The following KLHL17 variants were observed in gnomAD, a reference collection of about 807,000 sequenced individuals.
The protein encoded by KLHL17 is kelch like family member 17, also known as kelch-like protein 17.
KLHL17 carries 71 observed loss-of-function variants against 64.6 expected under a neutral mutation model. That is an observed-to-expected ratio of 1.10 (90% CI 0.91 to 1.34). The LOEUF (loss-of-function observed/expected upper bound fraction) is 1.34. Among genes scored for constraint, KLHL17 ranks in the 40% most tolerant of loss-of-function variants. KLHL17 has a pLI of 0.00. For missense variants in KLHL17, 1,140 were observed against 935.0 expected, an observed-to-expected ratio of 1.22 and a Z score of -2.86; for synonymous variants, 612 against 405.4, an observed-to-expected ratio of 1.51 and a Z score of -6.12.
intron 10 of KLHL17, 66 bp downstream of exon 10, chr1:964,246 C>T (rs1347803877): frequency 5.6e-6 from 9 of 1,598,958 alleles, no homozygotes; most frequent in African/African-American, 1.3e-5. Flanking sequence ...CCTCTGTTTA[C>T]CCACATCCCC....
At chr1:963,620 C>T (rs3813184) in intron 8 of KLHL17, 116 bp downstream of exon 8, 22,051 of 1,233,390 alleles carry the variant, frequency 0.018, 1,244 homozygotes, top group East Asian at 0.14. Flanking sequence ...TCCGCGAGGC[C>T]GTTTCACCCC....
rs61531461 is a variant in KLHL17 at position 965,299 on chromosome 1, A to G, written c.*108A>G. The G allele has an allele frequency of 2.2e-3, 1,775 of 825,508 alleles. 31 individuals are homozygous for G. The African/African-American group carries it at 0.027, about 13-fold the overall frequency. 51.1% of individuals were successfully genotyped at this position (825,508 alleles called of 1,614,324 possible). ...TTCACGTCTCTGCATCCATTCCTTC[A>G]TGTCTTTATTTAGTTGTTTATTTAT... is the stretch of plus-strand genomic sequence containing the variant. On this transcript the variant is annotated 3_prime_UTR_variant, in exon 12 of 12. Transcript: ENST00000338591.
chr1:962,652 C>A (rs368801865), intron 5 of KLHL17, 52 bp from the exon 6 acceptor site: 2 of 1,540,744 alleles, frequency 1.3e-6, no homozygotes, highest in Non-Finnish European at 8.7e-7. Context: ...TCAGCCCTGA[C>A]GCCCAGTGTG....
At position 963,242 on chromosome 1, in the gene KLHL17, T is replaced by A; in HGVS notation, c.1176T>A (p.Tyr392Ter). The A allele has an allele frequency of 6.2e-7, 1 of 1,604,186 alleles. No homozygotes were observed. Among genetic ancestry groups the A allele is most frequent in the Non-Finnish European group, 8.5e-7 (1 of 1,173,216 alleles). ...TGGCTGCGGTGGGGAACCGGCTCTA[T>A]GCTGTGGGCGGGTAAGCCTGGAGGC... The part of the protein sequence containing the change: ...VGVAAVGNRL[Y>*]AVGGYDGTSD... Residue 392 changes from tyrosine (Y) to a stop codon, truncating the protein, a stop_gained, in exon 7 of 12, where the codon TAT becomes TAA. Transcript: ENST00000338591. LOFTEE classifies it high-confidence loss of function.
rs765523708 is a variant in KLHL17, at chr1:963,012, C to T, written c.1042+95C>T. On this transcript the variant is annotated intron_variant, in intron 6 of 11. Transcript: ENST00000338591. ...CTGTGCCGGTCAGGTCCTGACCTGC[C>T]CCTCCGCCCCTCCATTCAGGGGCCT... 1.0e-4 allele frequency: 157 copies of T among 1,532,274 alleles called. 1 individual carries two copies. The highest frequency in any genetic ancestry group is 5.3e-4 in the East Asian group (22 of 41,672). The allele number at this position is 1,532,274 out of a possible 1,614,324, so 94.9% of individuals were successfully genotyped here.
chr1:964,018 G>A lies in KLHL17; in HGVS notation c.1444+10G>A. The A allele has an allele frequency of 6.2e-7, 1 of 1,612,610 alleles. No homozygotes were observed. The highest frequency in any genetic ancestry group is 8.5e-7 in the Non-Finnish European group (1 of 1,179,908). Reference sequence around the variant, plus strand: ...CGAGTGGCCACGCTTGGTGGGTGATGGGGCCTGCCTGGGGGGCATCCCCAC... The same window carrying A: ...CGAGTGGCCACGCTTGGTGGGTGATAGGGCCTGCCTGGGGGGCATCCCCAC... On this transcript the variant is annotated intron_variant, in intron 9 of 11. Transcript: ENST00000338591.
intron 5 of KLHL17, 115 bp from the exon 6 acceptor site, chr1:962,589 C>T (rs1642708670): frequency 2.6e-6 from 4 of 1,522,524 alleles, no homozygotes; most frequent in South Asian, 2.5e-5. Context: ...GTGCCCCCAC[C>T]TGTCTGAAGA....
In KLHL17 at chr1:962,421, C is replaced by G; in HGVS notation, c.778C>G (p.Leu260Val). 15 of 1,612,768 alleles carry G rather than the reference C, an allele frequency of 9.3e-6. No homozygotes were observed. Among genetic ancestry groups the G allele is most frequent in the Non-Finnish European group, 1.3e-5 (15 of 1,179,942 alleles). Residue 260 changes from leucine to valine, a missense_variant, in exon 5 of 12, where the codon CTG (leucine) becomes GTG (valine). By Grantham distance (32) the Leu-to-Val change is conservative. Coordinates refer to ENST00000338591, the MANE Select transcript of KLHL17 (RefSeq NM_198317.3). ...AGAGGAGGAGGTCTACCGAGCCGTC[C>G]TGAGCTGGGTGAAACACGACGTGGA... ...PSEEEVYRAV[L>V]SWVKHDVDAR...
intron 5 of KLHL17, 29 bp downstream of exon 5, chr1:962,500 AGCATCCAGGAGG>A: frequency 6.2e-7 from 1 of 1,608,456 alleles, no homozygotes; most frequent in Non-Finnish European, 8.5e-7. Flanking sequence ...GGGCTCCCAC[AGCATCCAGGAGG>A]GCATGCAGGT....
intron 8 of KLHL17, 87 bp downstream of exon 8, chr1:963,591 G>A: frequency 4.2e-6 from 6 of 1,439,942 alleles, no homozygotes; most frequent in South Asian, 2.7e-5. Context: ...CGTATCTGAT[G>A]GGGTGTTAAA....
Position 960,585 on chromosome 1 carries a change from GGAGT to G in KLHL17, c.-105_-102del. The stretch of plus-strand genomic sequence containing the variant: ...ACAGCGGCTGCGGGCGGGAGCGGCG[GGAGT>G]GAGCGACACAGAGCGGGCCGCCACC... On this transcript the variant is annotated 5_prime_UTR_variant, in exon 1 of 12. Coordinates refer to ENST00000338591, the MANE Select transcript of KLHL17 (RefSeq NM_198317.3). The G allele has an allele frequency of 1.0e-6, 1 of 972,580 alleles. No homozygotes were observed. Among genetic ancestry groups the G allele is most frequent in the Non-Finnish European group, 1.3e-6 (1 of 777,658 alleles). 60.2% of individuals were successfully genotyped at this position (972,580 alleles called of 1,614,324 possible). A position where few individuals can be genotyped will look rare whatever the true frequency, so the allele number is the denominator to read the frequency against.
At position 963,967 on chromosome 1, in the gene KLHL17, C is replaced by G. The variant is rs1557633807; in HGVS notation, c.1403C>G (p.Ala468Gly). ...ACCGGAACGTGGACGTCCGTCGCTG[C>G]CATGAGCACCCGGAGGCGCTATGTG... ...PLTGTWTSVA[A>G]MSTRRRYVRV... The change falls in exon 9 of 12, where the codon GCC becomes GGC. Residue 468 changes from alanine to glycine, a missense_variant. Transcript: ENST00000338591. 3 of 1,612,590 alleles carry G rather than the reference C, an allele frequency of 1.9e-6. No individual in the cohort carries two copies. The highest frequency in any genetic ancestry group is 2.5e-6 in the Non-Finnish European group (3 of 1,179,926).
chr1:961,275 C>T lies in KLHL17; in HGVS notation c.108-18C>T. ...GCGGCTCCAGCGGGGCGAAGCCTGA[C>T]CCGCCCGCCTCCTGCAGCCCCGAGG... On this transcript the variant is annotated intron_variant, in intron 1 of 11. Transcript: ENST00000338591. 3 of 1,459,862 alleles carry T rather than the reference C, an allele frequency of 2.1e-6. No individual in the cohort carries two copies. Among genetic ancestry groups the T allele is most frequent in the Non-Finnish European group, 2.7e-6 (3 of 1,118,882 alleles). The allele number at this position is 1,459,862 out of a possible 1,614,324, so 90.4% of individuals were successfully genotyped here.
At position 962,784 on chromosome 1, in the gene KLHL17, C is replaced by A. The variant is rs146297881; in HGVS notation, c.909C>A (p.His303Gln). 1 of 1,611,044 alleles carries A rather than the reference C, an allele frequency of 6.2e-7. No individual in the cohort carries two copies. Residue 303 changes from histidine (H) to glutamine (Q), a missense_variant, in exon 6 of 12, where the codon CAC becomes CAA. Transcript: ENST00000338591. ...TGGATGCCGAGAGCCTGGTGAGGCACCACCCTGACTGCAAGGACCTCCTCA... is the reference window on the plus strand; with the variant it reads ...TGGATGCCGAGAGCCTGGTGAGGCAACACCCTGACTGCAAGGACCTCCTCA... ...GHVDAESLVRHHPDCKDLLIE... is the reference protein window; with the variant it reads ...GHVDAESLVRQHPDCKDLLIE...
rs931688656 is a variant in KLHL17, at chr1:960,588, G to A, written c.-106G>A. 2.0e-6 allele frequency: 2 copies of A among 1,011,994 alleles called. No homozygotes were observed. Among genetic ancestry groups the A allele is most frequent in the Non-Finnish European group, 2.5e-6 (2 of 812,602 alleles). 62.7% of individuals were successfully genotyped at this position (1,011,994 alleles called of 1,614,324 possible). A position where few individuals can be genotyped will look rare whatever the true frequency, so the allele number is the denominator to read the frequency against. ...GCGGCTGCGGGCGGGAGCGGCGGGA[G>A]TGAGCGACACAGAGCGGGCCGCCAC... On this transcript the variant is annotated 5_prime_UTR_variant, in exon 1 of 12. The change creates a new upstream start codon in the 5' untranslated region. Transcript: ENST00000338591.
In KLHL17 at chr1:964,928, C is replaced by T. The variant is rs541261460; in HGVS notation, c.1701-35C>T. 6.1e-5 allele frequency: 91 copies of T among 1,492,744 alleles called. No individual in the cohort carries two copies. The Admixed American group carries it at 6.5e-4, about 11-fold the overall frequency. The allele number at this position is 1,492,744 out of a possible 1,614,324, so 92.5% of individuals were successfully genotyped here. ...TGCAGCCCCTCCCCCCGCATCCCTT[C>T]CTGCAGCCAGGGGCTCACCCCGCCT... On this transcript the variant is annotated intron_variant, in intron 11 of 11. Transcript: ENST00000338591.
chr1:961,062 C>A, intron 1 of KLHL17: 1 of 195,092 alleles, frequency 5.1e-6, no homozygotes, highest in Non-Finnish European at 9.2e-6. Flanking sequence ...CGGGGCCGGA[C>A]GCGGGGCTCT....
At chr1:963,787 C>T in intron 8 of KLHL17, 133 bp from the exon 9 acceptor site, 2 of 1,081,540 alleles carry the variant, frequency 1.8e-6, no homozygotes, top group Non-Finnish European at 1.4e-6. Flanking sequence ...GCGGGCCCTG[C>T]CTGGTAGGAC....
At chr1:963,842 C>A (rs1172906177) in intron 8 of KLHL17, 78 bp from the exon 9 acceptor site, 4 of 1,462,522 alleles carry the variant, frequency 2.7e-6, no homozygotes, top group Non-Finnish European at 3.8e-6. Context: ...TCAGCCATTC[C>A]GCTGGGGAGG....
Sources: gnomAD v4.1 joint callset for allele counts on GRCh38, gnomAD v4.1.1 for gene constraint, MANE v1.5 for transcripts, NCBI Gene and HGNC (gene_info 2026-07-23, HGNC 2026-07-21) for gene names.